Variants in SLC44A3 observed in about 807,000 individuals in gnomAD.
SLC44A3 encodes choline transporter-like protein 3.
In SLC44A3, 74 loss-of-function variants were observed where a neutral mutation model predicts 75.4. That is an observed-to-expected ratio of 0.98 (90% CI 0.81 to 1.19). The LOEUF (loss-of-function observed/expected upper bound fraction) is 1.19. Among genes scored for constraint, SLC44A3 ranks in the 50% most tolerant of loss-of-function variants. The probability of loss-of-function intolerance (pLI) is 0.00; values close to 1 mark genes in which losing one functional copy is unlikely to be tolerated. For missense variants in SLC44A3, 700 were observed against 778.6 expected (o/e 0.90, Z 1.20); for synonymous variants, 310 against 296.9 (o/e 1.04, Z -0.45).
intron 9 of SLC44A3, among the ~76,000 whole-genome samples, chr1:94,847,745 G>A (rs974292460): frequency 5.3e-5 from 8 of 152,178 alleles, no homozygotes; most frequent in South Asian, 2.1e-4. Flanking sequence ...CACAGTCCCC[G>A]TGTGATGTGG....
chr1:94,828,984 C>T (rs2781135), intron 5 of SLC44A3, among the ~76,000 whole-genome samples: 82,655 of 151,994 alleles, frequency 0.54, 22,556 homozygotes, highest in East Asian at 0.69. Flanking sequence ...CTCACACCTG[C>T]AATCCCAGCA....
At position 94,895,032 on chromosome 1, in the gene SLC44A3, T is replaced by TAATA. The variant is rs1670621200; in HGVS notation, c.*113_*116dup. The TAATA allele has an allele frequency of 2.8e-6, 2 of 711,134 alleles. No homozygotes were observed. The highest frequency in any genetic ancestry group is 5.4e-5 in the East Asian group (2 of 36,712). The allele number at this position is 711,134 out of a possible 1,614,324, so 44.1% of individuals were successfully genotyped here. A position where few individuals can be genotyped will look rare whatever the true frequency, so the allele number is the denominator to read the frequency against. Reference sequence around the variant, plus strand: ...TTAGTGAATTTTTTTTTAAAAGACCTAATAAACCCTATTCTTCCTCATTGT... The same window carrying TAATA: ...TTAGTGAATTTTTTTTTAAAAGACCTAATAAATAAACCCTATTCTTCCTCATTGT... On this transcript the variant is annotated 3_prime_UTR_variant, in exon 15 of 15. Transcript: ENST00000271227.
chr1:94,857,424 A>T lies in SLC44A3; in HGVS notation c.1162A>T (p.Ile388Phe), dbSNP rs1157429009. The change falls in exon 10 of 15, where the codon ATC becomes TTC. Residue 388 changes from isoleucine (I) to phenylalanine (F), a missense_variant. Ile to Phe is a conservative substitution (Grantham distance 21, BLOSUM62 0). Coordinates refer to ENST00000271227, the MANE Select transcript of SLC44A3 (RefSeq NM_001114106.3). ...GTGGTCGTACCATTTAATTGGCCTCATCTGGACTAGTGAATTCATCCTTGC... is the reference window on the plus strand; with the variant it reads ...GTGGTCGTACCATTTAATTGGCCTCTTCTGGACTAGTGAATTCATCCTTGC... ...YMWSYHLIGL[I>F]WTSEFILACQ... is the part of the protein sequence containing the mutation. 2 of 1,614,188 alleles carry T rather than the reference A, an allele frequency of 1.2e-6. No homozygotes were observed. Among genetic ancestry groups the T allele is most frequent in the Non-Finnish European group, 1.7e-6 (2 of 1,180,024 alleles).
At chr1:94,859,491 T>C (rs1197926209) in intron 10 of SLC44A3, among the ~76,000 whole-genome samples, 4 of 152,184 alleles carry the variant, frequency 2.6e-5, no homozygotes, top group Admixed American at 2.6e-4. Context: ...GTTGGCTGCA[T>C]GAGGAGGACA....
rs1660383301 is a variant in SLC44A3, at chr1:94,820,430, G to C, written c.-22G>C. 5.5e-6 allele frequency: 8 copies of C among 1,448,786 alleles called. No homozygotes were observed. Among genetic ancestry groups the C allele is most frequent in the Non-Finnish European group, 7.2e-6 (8 of 1,103,490 alleles). 89.7% of individuals were successfully genotyped at this position (1,448,786 alleles called of 1,614,324 possible). A position where few individuals can be genotyped will look rare whatever the true frequency, so the allele number is the denominator to read the frequency against. On this transcript the variant is annotated 5_prime_UTR_variant, in exon 1 of 15. Transcript: ENST00000271227. ...GAGGCGGCGGCGGCTCCCAGTCACC[G>C]GCCCCCGCCGGCGAGCGCACGATGC...
At chr1:94,860,501 A>G (rs1430833565) in intron 10 of SLC44A3, among the ~76,000 whole-genome samples, 1 of 152,212 alleles carries the variant, frequency 6.6e-6, no homozygotes, top group Admixed American at 6.5e-5. Flanking sequence ...TGGAGGACAC[A>G]AGTAAAAAGA....
intron 9 of SLC44A3, among the ~76,000 whole-genome samples, chr1:94,856,491 C>T (rs1665890455): frequency 1.3e-5 from 2 of 152,112 alleles, no homozygotes; most frequent in African/African-American, 4.8e-5. Context: ...GAAATAGATC[C>T]TTTTGAGATA....
chr1:94,844,296 G>C (rs1664097018), intron 8 of SLC44A3, among the ~76,000 whole-genome samples: 1 of 152,202 alleles, frequency 6.6e-6, no homozygotes, highest in Non-Finnish European at 1.5e-5. Context: ...TTTGATTCAG[G>C]ATAAATTGAG....
At chr1:94,874,450 G>A (rs1041382356) in intron 12 of SLC44A3, among the ~76,000 whole-genome samples, 1 of 152,198 alleles carries the variant, frequency 6.6e-6, no homozygotes, top group Non-Finnish European at 1.5e-5. Flanking sequence ...GTGAGCAGCC[G>A]CCATGTTAAA....
At chr1:94,824,393 C>G in intron 2 of SLC44A3, 100 bp from the exon 3 acceptor site, 9 of 1,397,498 alleles carry the variant, frequency 6.4e-6, no homozygotes, top group Non-Finnish European at 8.5e-6. Flanking sequence ...GAGAGCTTCA[C>G]GTTCCACCAG....
At chr1:94,864,615 A>G (rs1666947746) in intron 10 of SLC44A3, 128 bp from the exon 11 acceptor site, 1 of 926,690 alleles carries the variant, frequency 1.1e-6, no homozygotes, top group Admixed American at 2.6e-5. Context: ...AGGAGTATAA[A>G]AAGTTCGCCA....
At chr1:94,893,161 G>C (rs1175805588) in intron 14 of SLC44A3, among the ~76,000 whole-genome samples, 1 of 152,164 alleles carries the variant, frequency 6.6e-6, no homozygotes. Context: ...TTTAACAGCT[G>C]AATGATGTCT....
rs79899200 is a variant in SLC44A3 at position 94,838,595 on chromosome 1, T to C, written c.670+724T>C. The stretch of plus-strand genomic sequence containing the variant: ...AACCTCTTGGTAGAGAGAAACTCTT[T>C]GGTCAGACATTAACATATTTCTAAC... On this transcript the variant is annotated intron_variant, in intron 6 of 14. Coordinates refer to ENST00000271227, the MANE Select transcript of SLC44A3 (RefSeq NM_001114106.3). Among the ~76,000 whole-genome samples, 352 of 152,366 alleles carry C rather than the reference T, an allele frequency of 2.3e-3. 1 individual carries two copies. Among genetic ancestry groups the C allele is most frequent in the African/African-American group, 8.2e-3 (339 of 41,586 alleles).
chr1:94,892,411 CTG>C lies in SLC44A3; in HGVS notation c.1755_1756del (p.Phe586Ter), dbSNP rs777474168. ...TACTTAGTAGCCCATAGTTTTTTATCTGTGTTTGAAACTGTGCTGGATGCACT... is the reference window on the plus strand; with the variant it reads ...TACTTAGTAGCCCATAGTTTTTTATCTGTTTGAAACTGTGCTGGATGCACT... On this transcript the variant is annotated frameshift_variant, in exon 14 of 15. Coordinates refer to ENST00000271227, the MANE Select transcript of SLC44A3 (RefSeq NM_001114106.3). LOFTEE classifies it high-confidence loss of function. 5 of 1,614,020 alleles carry C rather than the reference CTG, an allele frequency of 3.1e-6. No individual in the cohort carries two copies. Among genetic ancestry groups the C allele is most frequent in the African/African-American group, 2.7e-5 (2 of 74,904 alleles).
At position 94,839,935 on chromosome 1, in the gene SLC44A3, C is replaced by T. The variant is rs772327716; in HGVS notation, c.671-13C>T. The T allele has an allele frequency of 1.4e-5, 22 of 1,609,524 alleles. 1 individual carries two copies. The highest frequency in any genetic ancestry group is 2.2e-5 in the South Asian group (2 of 90,998). ...TTGCTATTGAGGTTTATGTGTTTTG[C>T]TTAATTTTTCAGCCTTGTCTTTGGC... is the stretch of plus-strand genomic sequence containing the variant. On this transcript the variant is annotated splice_polypyrimidine_tract_variant and intron_variant, in intron 6 of 14. Coordinates refer to ENST00000271227, the MANE Select transcript of SLC44A3 (RefSeq NM_001114106.3).
chr1:94,872,730 G>C (rs1050326008), intron 12 of SLC44A3, among the ~76,000 whole-genome samples: 1 of 152,202 alleles, frequency 6.6e-6, no homozygotes, highest in Non-Finnish European at 1.5e-5. Context: ...CCTTGTCATG[G>C]CATCCAGCCC....
At chr1:94,876,096 C>T (rs982014408) in intron 12 of SLC44A3, among the ~76,000 whole-genome samples, 1 of 152,200 alleles carries the variant, frequency 6.6e-6, no homozygotes, top group Non-Finnish European at 1.5e-5. Context: ...GCAGTGGACA[C>T]CACGCTGCCT....
At chr1:94,878,588 G>A (rs1335651119) in intron 12 of SLC44A3, among the ~76,000 whole-genome samples, 1 of 152,204 alleles carries the variant, frequency 6.6e-6, no homozygotes, top group Non-Finnish European at 1.5e-5. Flanking sequence ...TACTTTCTGA[G>A]CAGAAGATCC....
chr1:94,826,962 C>T (rs1346215125), intron 3 of SLC44A3, among the ~76,000 whole-genome samples: 1 of 152,140 alleles, frequency 6.6e-6, no homozygotes, highest in African/African-American at 2.4e-5. Flanking sequence ...CATTCTTGTC[C>T]CCCCTCTGCC....
Sources: gnomAD v4.1 joint callset for allele counts (sites outside exome capture counted in the v4.1 genomes callset) on GRCh38, gnomAD v4.1.1 for gene constraint, MANE v1.5 for transcripts, NCBI Gene and HGNC (gene_info 2026-07-23, HGNC 2026-07-21) for gene names.